The following FREM3 variants were observed in gnomAD, a reference collection of about 807,000 sequenced individuals.
FREM3 encodes FRAS1-related extracellular matrix protein 3.
A neutral mutation model predicts 129.1 loss-of-function variants in FREM3; 105 were observed. The ratio of observed to expected loss-of-function variants is 0.81; its 90% CI spans 0.69 to 0.96. The LOEUF (loss-of-function observed/expected upper bound fraction) is 0.96. Among genes scored for constraint, FREM3 ranks in the 40% least tolerant of loss-of-function variants. The pLI is 0.00. For synonymous variants in FREM3, 1,014 were observed against 1,044.9 expected, an observed-to-expected ratio of 0.97 and a Z score of 0.57; for missense variants, 2,593 against 2,666.3, an observed-to-expected ratio of 0.97 and a Z score of 0.61.
At chr4:143,692,581 A>C (rs1740492501) in intron 2 of FREM3, among the ~76,000 whole-genome samples, 1 of 152,192 alleles carries the variant, frequency 6.6e-6, no homozygotes, top group Admixed American at 6.6e-5. Flanking sequence ...CTTTGAAGTT[A>C]ATAGTAGACA....
chr4:143,661,225 A>C (rs1362349990), intron 2 of FREM3, among the ~76,000 whole-genome samples: 1 of 152,192 alleles, frequency 6.6e-6, no homozygotes, highest in African/African-American at 2.4e-5. Context: ...TGGGTTTGTC[A>C]TAGATAGCTC....
At chr4:143,624,372 C>A (rs909285934) in intron 3 of FREM3, 34 bp from the exon 4 acceptor site, 11 of 1,311,302 alleles carry the variant, frequency 8.4e-6, no homozygotes, top group Non-Finnish European at 1.2e-5. Flanking sequence ...AAATATAAAG[C>A]CAAGTGACTG....
At chr4:143,595,616 C>G (rs192325733) in intron 6 of FREM3, among the ~76,000 whole-genome samples, 86 of 152,178 alleles carry the variant, frequency 5.7e-4, no homozygotes, top group Non-Finnish European at 7.9e-4. Context: ...AGCCGGGCAC[C>G]GTGGCTCTTG....
In FREM3 at chr4:143,585,744, A is replaced by G; in HGVS notation, c.6178+100T>C. On this transcript the variant is annotated intron_variant, in intron 7 of 7. Transcript: ENST00000329798. This position sits in a 1 kb window ranked among gnomAD's most constrained non-coding sequence, Gnocchi z 4.2. ...TGAAGCCAGAGAAACTTTCATTCAGAGTCCATCAACAAAGACTAAGCATGC... is the reference window on the plus strand; with the variant it reads ...TGAAGCCAGAGAAACTTTCATTCAGGGTCCATCAACAAAGACTAAGCATGC... The G allele has an allele frequency of 2.5e-6, 3 of 1,195,160 alleles. No individual in the cohort carries two copies. Among genetic ancestry groups the G allele is most frequent in the South Asian group, 1.6e-5 (1 of 61,654 alleles). The allele number at this position is 1,195,160 out of a possible 1,614,324, so 74.0% of individuals were successfully genotyped here. A position where few individuals can be genotyped will look rare whatever the true frequency, so the allele number is the denominator to read the frequency against.
chr4:143,600,758 C>T (rs982467265), intron 6 of FREM3, among the ~76,000 whole-genome samples: 12 of 152,120 alleles, frequency 7.9e-5, no homozygotes, highest in African/African-American at 2.7e-4. Flanking sequence ...TGTAACATAA[C>T]TAACAAATAT....
rs959440758 is a variant in FREM3 at position 143,595,891 on chromosome 4, A to G, written c.6029-9898T>C. Among the ~76,000 whole-genome samples, 32 of 145,556 alleles carry G rather than the reference A, an allele frequency of 2.2e-4. 2 individuals are homozygous for G. Among genetic ancestry groups the G allele is most frequent in the South Asian group, 8.5e-4 (4 of 4,724 alleles). ...CGACAGAGCGAGACGCCATCTCAGA[A>G]AAAAAAAAAAAAAGAAGGAACTGCC... On this transcript the variant is annotated intron_variant, in intron 6 of 7. Transcript: ENST00000329798.
intron 2 of FREM3, among the ~76,000 whole-genome samples, chr4:143,659,687 CA>C (rs374357341): frequency 0.19 from 16,743 of 88,026 alleles, 1,169 homozygotes; most frequent in African/African-American, 0.26. Flanking sequence ...AACTAGTTTA[CA>C]GTCCCACCAA....
At chr4:143,691,262 C>T (rs1740463136) in intron 2 of FREM3, among the ~76,000 whole-genome samples, 1 of 152,100 alleles carries the variant, frequency 6.6e-6, no homozygotes, top group Admixed American at 6.6e-5. Context: ...AGTCTTGGCC[C>T]TGTTCTCTAA....
intron 6 of FREM3, among the ~76,000 whole-genome samples, chr4:143,590,621 G>GCAAA (rs1738341094): frequency 6.6e-6 from 1 of 152,188 alleles, no homozygotes; most frequent in African/African-American, 2.4e-5. Context: ...TTTTTGATGT[G>GCAAA]TTGCTGGATT....
At position 143,699,835 on chromosome 4, in the gene FREM3, A is replaced by C; in HGVS notation, c.841T>G (p.Ser281Ala). 6.5e-7 allele frequency: 1 copy of C among 1,536,502 alleles called. No individual in the cohort carries two copies. Among genetic ancestry groups the C allele is most frequent in the South Asian group, 1.2e-5 (1 of 84,056 alleles). Residue 281 changes from serine to alanine, a missense_variant, in exon 1 of 8, where the codon TCC becomes GCC. Coordinates refer to ENST00000329798, the MANE Select transcript of FREM3 (RefSeq NM_001168235.2). This position sits in a 1 kb window ranked among gnomAD's most constrained non-coding sequence, Gnocchi z 4.2. ...TGCTCGCGGACCAGCACACCCGCGG[A>C]CCCAGCGTCTTGGCCCTCAGGCCCC... ...LLGPEGQDAG[S>A]AGVLVREHFQ... is the part of the protein sequence containing the mutation.
chr4:143,586,329 A>G (rs927229066), intron 6 of FREM3, among the ~76,000 whole-genome samples: 2 of 152,172 alleles, frequency 1.3e-5, no homozygotes, highest in Non-Finnish European at 2.9e-5. Flanking sequence ...CAAGTCCACT[A>G]TTGTTTGGGA....
Position 143,697,015 on chromosome 4 carries a change from C to T in FREM3, c.3661G>A (p.Ala1221Thr). The stretch of plus-strand genomic sequence containing the variant: ...TGGAGCTCATTTGGTGGCAGGTCAG[C>T]ATCTGCTCCATTAAGCAGCTGGGTG... ...IDTQLLNGAD[A>T]DLPPNELHFQ... The change falls in exon 1 of 8, where the codon GCT becomes ACT. Residue 1221 changes from alanine to threonine, a missense_variant. Ala to Thr is a moderately conservative substitution (Grantham distance 58). Transcript: ENST00000329798. 6.5e-7 allele frequency: 1 copy of T among 1,537,544 alleles called. No homozygotes were observed. Among genetic ancestry groups the T allele is most frequent in the Non-Finnish European group, 8.7e-7 (1 of 1,146,994 alleles).
At chr4:143,653,941 A>C (rs1383852840) in intron 2 of FREM3, among the ~76,000 whole-genome samples, 1 of 152,182 alleles carries the variant, frequency 6.6e-6, no homozygotes. Flanking sequence ...GAAACATGAG[A>C]AAAAAGTTTT....
chr4:143,659,245 AC>A (rs1739657920), intron 2 of FREM3, among the ~76,000 whole-genome samples: 2 of 144,524 alleles, frequency 1.4e-5, no homozygotes, highest in Admixed American at 1.4e-4. Flanking sequence ...CCTCCCCCCT[AC>A]CCCCACCAAC....
At chr4:143,593,286 G>A (rs866127822) in intron 6 of FREM3, among the ~76,000 whole-genome samples, 25 of 152,290 alleles carry the variant, frequency 1.6e-4, no homozygotes, top group South Asian at 4.1e-4. Flanking sequence ...GAGGAGCTGC[G>A]TTCCTTTGGA....
chr4:143,697,387 C>A lies in FREM3; in HGVS notation c.3289G>T (p.Asp1097Tyr). Residue 1097 changes from aspartate (D) to tyrosine (Y), a missense_variant, in exon 1 of 8, where the codon GAT becomes TAT. Physicochemically the swap from Asp to Tyr is radical, Grantham distance 160. Transcript: ENST00000329798. ...SLTLQHLHVEDVDTHQDELLC... is the reference protein window; with the variant it reads ...SLTLQHLHVEYVDTHQDELLC... ...AGTTCATCTTGATGAGTGTCCACAT[C>A]TTCAACATGGAGATGTTGTAAGGTC... The A allele has an allele frequency of 6.5e-7, 1 of 1,537,228 alleles. No homozygotes were observed. The highest frequency in any genetic ancestry group is 8.7e-7 in the Non-Finnish European group (1 of 1,146,864).
chr4:143,633,010 A>G (rs148613160), intron 2 of FREM3, among the ~76,000 whole-genome samples: 43 of 152,278 alleles, frequency 2.8e-4, no homozygotes, highest in African/African-American at 8.9e-4. Context: ...GGCTTTGCCA[A>G]TGTAGCTTGA....
chr4:143,632,815 A>AT (rs1739163087), intron 2 of FREM3, among the ~76,000 whole-genome samples: 1 of 152,166 alleles, frequency 6.6e-6, no homozygotes, highest in African/African-American at 2.4e-5. Context: ...TGAGCTAAAA[A>AT]AAAAATCCAA....
chr4:143,698,427 T>G lies in FREM3; in HGVS notation c.2249A>C (p.Asp750Ala). The change falls in exon 1 of 8, where the codon GAC (aspartate) becomes GCC (alanine). Residue 750 changes from aspartate (D) to alanine (A), a missense_variant. Transcript: ENST00000329798. Reference sequence around the variant, plus strand: ...CCGGACTTGGTGGTTGCCATCTGTGTCAGTCGGGAGTGTCAGTAGGGTGTA... The same window carrying G: ...CCGGACTTGGTGGTTGCCATCTGTGGCAGTCGGGAGTGTCAGTAGGGTGTA... ...LWYTLLTLPT[D>A]TDGNHQVRAG... The G allele has an allele frequency of 6.5e-7, 1 of 1,537,924 alleles. No individual in the cohort carries two copies. Among genetic ancestry groups the G allele is most frequent in the Non-Finnish European group, 8.7e-7 (1 of 1,147,058 alleles).
Sources: allele counts gnomAD v4.1 joint callset (sites outside exome capture counted in the v4.1 genomes callset), GRCh38; gene constraint gnomAD v4.1.1; non-coding constraint Gnocchi (gnomAD v3.1); transcripts MANE v1.5; gene names NCBI Gene and HGNC (gene_info 2026-07-23, HGNC 2026-07-21).